Variants in C1QTNF3 observed in about 807,000 individuals in gnomAD.
C1QTNF3 encodes the protein complement C1q tumor necrosis factor-related protein 3.
C1QTNF3 carries 26 observed loss-of-function variants against 32.6 expected under a neutral mutation model. The ratio of observed to expected loss-of-function variants is 0.80; its 90% CI spans 0.58 to 1.11. The LOEUF (loss-of-function observed/expected upper bound fraction) is 1.11, where lower values mean the gene tolerates loss of function less well. Among genes scored for constraint, C1QTNF3 ranks in the 50% least tolerant of loss-of-function variants. The probability of loss-of-function intolerance (pLI) is 0.00; values close to 1 mark genes in which losing one functional copy is unlikely to be tolerated. For synonymous variants in C1QTNF3, 155 were observed against 146.0 expected (o/e 1.06, Z -0.44); for missense variants, 362 against 398.2 (o/e 0.91, Z 0.77).
the C1QTNF3 span, among the ~76,000 whole-genome samples, chr5:34,118,120 C>T: frequency 6.6e-6 from 1 of 152,086 alleles, no homozygotes; most frequent in Non-Finnish European, 1.5e-5. Context: ...CACTCTGTTG[C>T]CCAGGCTGGA....
chr5:34,109,807 T>A, the C1QTNF3 span, among the ~76,000 whole-genome samples: 1 of 152,414 alleles, frequency 6.6e-6, no homozygotes, highest in East Asian at 1.9e-4. Context: ...TATTTACATA[T>A]CTTAACAATT....
chr5:34,078,864 CT>C, the C1QTNF3 span, among the ~76,000 whole-genome samples: 3 of 151,632 alleles, frequency 2.0e-5, no homozygotes, highest in Non-Finnish European at 2.9e-5. This position sits in a 1 kb window ranked among gnomAD's most constrained non-coding sequence, Gnocchi z 4.0. Context: ...CTGGGAAGTG[CT>C]AACTTCCTCC....
rs76092395 is a variant in C1QTNF3, at chr5:34,035,107, C to T, written c.415+540G>A. Among the ~76,000 whole-genome samples, 847 of 152,202 alleles carry T rather than the reference C, an allele frequency of 5.6e-3. 6 individuals are homozygous for T. The highest frequency in any genetic ancestry group is 0.019 in the African/African-American group (799 of 41,528). ...GACTGACCCAGGGTACCAGCAGGCCCGCGGCACTCTCCTATGCCTGGTGGC... is the reference window on the plus strand; with the variant it reads ...GACTGACCCAGGGTACCAGCAGGCCTGCGGCACTCTCCTATGCCTGGTGGC... On this transcript the variant is annotated intron_variant, in intron 2 of 5. Transcript: ENST00000382065.
At chr5:34,070,949 C>A in the C1QTNF3 span, among the ~76,000 whole-genome samples, 1 of 152,062 alleles carries the variant, frequency 6.6e-6, no homozygotes, top group East Asian at 1.9e-4. Context: ...AAGTCATGGG[C>A]TGTTAACAAA....
chr5:34,129,446 T>G, the C1QTNF3 span, among the ~76,000 whole-genome samples: 3 of 152,288 alleles, frequency 2.0e-5, no homozygotes, highest in African/African-American at 7.2e-5. Context: ...AATGAAGAGA[T>G]ATTGTTGAAA....
At chr5:34,072,371 GAGAAAGAAAGAAAGAAAGAA>G in the C1QTNF3 span, among the ~76,000 whole-genome samples, 4 of 117,580 alleles carry the variant, frequency 3.4e-5, no homozygotes, top group Admixed American at 9.2e-5. Flanking sequence ...AAAAAAGAAA[GAGAAAGAAAGAAAGAAAGAA>G]AGAAAGAAAG....
chr5:34,090,667 T>C, the C1QTNF3 span, among the ~76,000 whole-genome samples: 1 of 152,216 alleles, frequency 6.6e-6, no homozygotes, highest in Non-Finnish European at 1.5e-5. Flanking sequence ...AGGTGGGGTC[T>C]TTGGTAGGTA....
the C1QTNF3 span, among the ~76,000 whole-genome samples, chr5:34,211,850 T>C: frequency 4.6e-5 from 7 of 152,084 alleles, no homozygotes; most frequent in African/African-American, 1.7e-4. Flanking sequence ...ATAGATTAAA[T>C]GCCATCCCCA....
chr5:34,195,254 T>G, the C1QTNF3 span, among the ~76,000 whole-genome samples: 1 of 152,214 alleles, frequency 6.6e-6, no homozygotes, highest in Non-Finnish European at 1.5e-5. Context: ...TGTCAATATG[T>G]GAAATAAAAT....
At chr5:34,033,546 G>A in intron 2 of C1QTNF3, 88 bp from the exon 3 acceptor site, 1 of 1,518,858 alleles carries the variant, frequency 6.6e-7, no homozygotes, top group Non-Finnish European at 9.1e-7. Context: ...ACTCAATTAT[G>A]AAAGGGGACC....
intron 1 of C1QTNF3, among the ~76,000 whole-genome samples, chr5:34,039,613 T>A (rs1754819746): frequency 1.3e-5 from 2 of 152,216 alleles, no homozygotes; most frequent in Non-Finnish European, 2.9e-5. Flanking sequence ...ATTGGGCTAT[T>A]GGGAAATCAT....
chr5:34,237,866 G>T, the C1QTNF3 span, among the ~76,000 whole-genome samples: 6 of 152,058 alleles, frequency 3.9e-5, no homozygotes, highest in Non-Finnish European at 5.9e-5. Flanking sequence ...CCCAGGAGCA[G>T]ATCTGGTGAT....
the C1QTNF3 span, among the ~76,000 whole-genome samples, chr5:34,201,075 C>T: frequency 1.1e-4 from 16 of 152,096 alleles, no homozygotes; most frequent in Admixed American, 5.9e-4. Flanking sequence ...TGCTAAGCTC[C>T]GTAATGTTGG....
the C1QTNF3 span, among the ~76,000 whole-genome samples, chr5:34,059,264 G>A: frequency 8.5e-5 from 13 of 152,126 alleles, no homozygotes; most frequent in Admixed American, 7.2e-4. Context: ...ATGTGTGCAC[G>A]TATCTGGTGT....
At chr5:34,155,689 T>C in the C1QTNF3 span, among the ~76,000 whole-genome samples, 2 of 152,166 alleles carry the variant, frequency 1.3e-5, no homozygotes, top group Non-Finnish European at 2.9e-5. Context: ...TTTTTAAAAA[T>C]CTAAAAATAT....
chr5:34,055,935 C>T, the C1QTNF3 span, among the ~76,000 whole-genome samples: 1 of 152,196 alleles, frequency 6.6e-6, no homozygotes, highest in East Asian at 1.9e-4. Flanking sequence ...GTGACACTCA[C>T]CCCGTCAAAA....
At chr5:34,141,193 C>T in the C1QTNF3 span, among the ~76,000 whole-genome samples, 1 of 152,024 alleles carries the variant, frequency 6.6e-6, no homozygotes, top group East Asian at 1.9e-4. Flanking sequence ...AATCTTGGCT[C>T]ACTGCAACTT....
chr5:34,084,100 A>G, the C1QTNF3 span, among the ~76,000 whole-genome samples: 1 of 151,614 alleles, frequency 6.6e-6, no homozygotes, highest in East Asian at 1.9e-4. Context: ...CCTGTAATGT[A>G]CTCTGGTTAT....
At chr5:34,120,745 A>T in the C1QTNF3 span, among the ~76,000 whole-genome samples, 1 of 152,140 alleles carries the variant, frequency 6.6e-6, no homozygotes, top group Non-Finnish European at 1.5e-5. Flanking sequence ...TTCCACCATC[A>T]TTGTGAGGCC....
Sources: gnomAD v4.1 joint callset for allele counts (sites outside exome capture counted in the v4.1 genomes callset) on GRCh38, gnomAD v4.1.1 for gene constraint, Gnocchi (gnomAD v3.1) non-coding constraint, MANE v1.5 for transcripts, NCBI Gene and HGNC (gene_info 2026-07-23, HGNC 2026-07-21) for gene names.